The following FGF13 variants were observed in gnomAD, a reference collection of about 807,000 sequenced individuals.
The protein encoded by FGF13 is fibroblast growth factor 13, also known as fibroblast growth factor homologous factor 2.
A neutral mutation model predicts 19.5 loss-of-function variants in FGF13; 2 were observed. The ratio of observed to expected loss-of-function variants is 0.10; its 90% CI spans 0.04 to 0.32. The LOEUF (loss-of-function observed/expected upper bound fraction) is 0.32. FGF13 is among the 10% of genes least tolerant of loss of function. The probability of loss-of-function intolerance (pLI) is 1.00; values close to 1 mark genes in which losing one functional copy is unlikely to be tolerated. For missense variants in FGF13, 113 were observed against 192.7 expected (o/e 0.59, Z 2.45); for synonymous variants, 72 against 76.9 (o/e 0.94, Z 0.33).
intron 1 of FGF13, among the ~76,000 whole-genome samples, chrX:138,949,035 G>A (rs1439697966): frequency 9.0e-6 from 1 of 111,581 alleles, no homozygotes; most frequent in Non-Finnish European, 1.9e-5. Context: ...GTCAGTAGCT[G>A]GGCCAGGATT....
rs2089109209 is a variant in FGF13, at chrX:138,630,918, C to CA, written c.*1931dup. The stretch of plus-strand genomic sequence containing the variant: ...ACGCTTATATTAGCTTACAGTTGGA[C>CA]AAAATCATGTACTACAAAGCAAATT... On this transcript the variant is annotated 3_prime_UTR_variant, in exon 5 of 5. Coordinates refer to ENST00000315930, the MANE Select transcript of FGF13 (RefSeq NM_004114.5). The CA allele has an allele frequency of 8.9e-6, 1 of 112,009 alleles. No individual in the cohort carries two copies. The highest frequency in any genetic ancestry group is 3.2e-5 in the African/African-American group (1 of 30,818). The allele number at this position is 112,009 out of a possible 1,213,427, so 9.2% of individuals were successfully genotyped here. A position where few individuals can be genotyped will look rare whatever the true frequency, so the allele number is the denominator to read the frequency against.
At chrX:138,709,212 G>A (rs1569370747) in intron 1 of FGF13, among the ~76,000 whole-genome samples, 1 of 112,337 alleles carries the variant, frequency 8.9e-6, no homozygotes, top group Non-Finnish European at 1.9e-5. Context: ...CTATCTCACT[G>A]AGTATTTGTA....
At chrX:138,950,686 C>T (rs1297050531) in intron 1 of FGF13, among the ~76,000 whole-genome samples, 3 of 111,944 alleles carry the variant, frequency 2.7e-5, no homozygotes, top group Admixed American at 1.9e-4. Context: ...ATAAAATTGT[C>T]CTTTATGCCA....
At chrX:139,201,207 C>A (rs1235663618) in intron 1 of FGF13, among the ~76,000 whole-genome samples, 2 of 111,960 alleles carry the variant, frequency 1.8e-5, no homozygotes, top group Non-Finnish European at 3.8e-5. Context: ...CTGGTCTTAA[C>A]CTCAGTGAGT....
At chrX:138,743,458 C>G (rs2090333263), upstream of FGF13, among the ~76,000 whole-genome samples, 3 of 111,232 alleles carry the variant, frequency 2.7e-5, no homozygotes, top group Non-Finnish European at 5.7e-5. Flanking sequence ...CTATAATGGC[C>G]TTTTATACAT....
chrX:138,889,945 T>A (rs1309116726), intron 1 of FGF13, among the ~76,000 whole-genome samples: 1 of 109,379 alleles, frequency 9.1e-6, no homozygotes, highest in Non-Finnish European at 1.9e-5. Flanking sequence ...TTTTTTTTTT[T>A]TGAGATGCAG....
At chrX:138,894,262 C>T (rs1214386084) in intron 1 of FGF13, among the ~76,000 whole-genome samples, 1 of 110,009 alleles carries the variant, frequency 9.1e-6, no homozygotes, top group Non-Finnish European at 1.9e-5. Flanking sequence ...GAAGCAAGAG[C>T]AAACACATTC....
At chrX:139,069,328 T>A (rs373410741) in intron 1 of FGF13, among the ~76,000 whole-genome samples, 1 of 62,460 alleles carries the variant, frequency 1.6e-5, no homozygotes, top group African/African-American at 6.3e-5. Flanking sequence ...ATGGATGAAA[T>A]TGGAAATCAT....
intron 3 of FGF13, among the ~76,000 whole-genome samples, chrX:138,659,880 G>C (rs1207452476): frequency 9.0e-6 from 1 of 111,022 alleles, no homozygotes; most frequent in East Asian, 2.8e-4. Flanking sequence ...GACACAGGCA[G>C]GGGAACATCA....
chrX:138,698,812 A>G (rs1263464156), intron 3 of FGF13, among the ~76,000 whole-genome samples: 1 of 111,777 alleles, frequency 8.9e-6, no homozygotes, highest in Non-Finnish European at 1.9e-5. Flanking sequence ...GGGACAAGTT[A>G]TTTAGTAAAT....
intron 3 of FGF13, among the ~76,000 whole-genome samples, chrX:138,680,871 C>A (rs1301670797): frequency 9.0e-6 from 1 of 111,094 alleles, no homozygotes; most frequent in African/African-American, 3.3e-5. Flanking sequence ...GCTACTTCAT[C>A]TACATTGAAA....
At chrX:138,991,703 G>A (rs1450239090) in intron 1 of FGF13, among the ~76,000 whole-genome samples, 1 of 111,782 alleles carries the variant, frequency 8.9e-6, no homozygotes, top group Non-Finnish European at 1.9e-5. Flanking sequence ...AATCAATAAG[G>A]GAAAGTTTGG....
chrX:138,800,303 T>G (rs2090817807), intron 3 of FGF13, among the ~76,000 whole-genome samples: 1 of 112,010 alleles, frequency 8.9e-6, no homozygotes, highest in Admixed American at 9.5e-5. Flanking sequence ...TGCTTGTCTG[T>G]AAAGGATTTT....
At chrX:138,787,293 T>C (rs1165407972) in intron 3 of FGF13, among the ~76,000 whole-genome samples, 1 of 112,604 alleles carries the variant, frequency 8.9e-6, no homozygotes, top group Non-Finnish European at 1.9e-5. Flanking sequence ...GAAAGAGTGC[T>C]GCTCCCCATA....
intron 1 of FGF13, among the ~76,000 whole-genome samples, chrX:138,898,390 C>T (rs1047724297): frequency 8.9e-6 from 1 of 112,043 alleles, no homozygotes; most frequent in Non-Finnish European, 1.9e-5. Context: ...CAATTTACCA[C>T]GTGCTAAGTA....
At chrX:138,740,881 C>G (rs1413184038), upstream of FGF13, among the ~76,000 whole-genome samples, 5 of 112,441 alleles carry the variant, frequency 4.4e-5, no homozygotes, top group Admixed American at 1.9e-4. Context: ...ATTCTGTAGC[C>G]AGTCCTGTTT....
chrX:138,926,174 G>T (rs143463628), intron 1 of FGF13, among the ~76,000 whole-genome samples: 1,295 of 111,926 alleles, frequency 0.012, 22 homozygotes, highest in African/African-American at 0.04. Context: ...CAGGTGAGGG[G>T]AGTTCTCCCT....
intron 1 of FGF13, among the ~76,000 whole-genome samples, chrX:138,869,152 C>T (rs976724871): frequency 3.6e-5 from 4 of 111,316 alleles, no homozygotes; most frequent in African/African-American, 1.3e-4. Context: ...TTCCTGCCAA[C>T]GTTCTGTGAT....
At chrX:138,777,898 G>T (rs760405709) in intron 3 of FGF13, among the ~76,000 whole-genome samples, 1 of 108,892 alleles carries the variant, frequency 9.2e-6, no homozygotes, top group Admixed American at 9.8e-5. Flanking sequence ...TCCAGGAAAC[G>T]CAAAACATAA....
Sources: allele counts gnomAD v4.1 joint callset (sites outside exome capture counted in the v4.1 genomes callset), GRCh38; gene constraint gnomAD v4.1.1; transcripts MANE v1.5; gene names NCBI Gene and HGNC (gene_info 2026-07-23, HGNC 2026-07-21).